The following UBE2L6 variants were observed in gnomAD, a reference collection of about 807,000 sequenced individuals.
UBE2L6 encodes the protein ubiquitin conjugating enzyme E2 L6, also known as ubiquitin/ISG15-conjugating enzyme E2 L6.
Under a neutral mutation model 13.6 loss-of-function variants are expected in UBE2L6, and 11 were observed. That is an observed-to-expected ratio of 0.81 (90% CI 0.51 to 1.34). The LOEUF (loss-of-function observed/expected upper bound fraction) is 1.34, where lower values mean the gene tolerates loss of function less well. Among genes scored for constraint, UBE2L6 ranks in the 40% most tolerant of loss-of-function variants. The pLI, the probability that UBE2L6 is intolerant of heterozygous loss-of-function variation, is 0.00. For missense variants in UBE2L6, 197 were observed against 199.5 expected (o/e 0.99, Z 0.07); for synonymous variants, 74 against 83.2 (o/e 0.89, Z 0.60).
Position 57,565,714 on chromosome 11 carries a change from G to A in UBE2L6, c.27+1871C>T, listed in dbSNP as rs147603849. ...TTGTTTATGTAATCAGTGTTAACTT[G>A]TCATCAGTTTAAAATAACAGGTTAT... On this transcript the variant is annotated intron_variant, in intron 1 of 3. Transcript: ENST00000287156. 1.6e-4 allele frequency among the ~76,000 whole-genome samples: 24 copies of A among 152,186 alleles called. No homozygotes were observed. The East Asian group carries it at 4.2e-3, about 27-fold the overall frequency.
chr11:57,552,506 A>G lies in UBE2L6; in HGVS notation c.314T>C (p.Leu105Pro), dbSNP rs1944967373. The G allele has an allele frequency of 6.2e-7, 1 of 1,614,064 alleles. No individual in the cohort carries two copies. Among genetic ancestry groups the G allele is most frequent in the Non-Finnish European group, 8.5e-7 (1 of 1,180,026 alleles). ...ATTCACCAGCACATTGAGGGCCTCC[A>G]GGACTGGGGAGAGACAGGCCAGATC... ...WKPCTKTCQV[L>P]EALNVLVNRP... is the part of the protein sequence containing the mutation. The change falls in exon 4 of 4, where the codon CTG becomes CCG. Residue 105 changes from leucine to proline, a missense_variant. Coordinates refer to ENST00000287156, the MANE Select transcript of UBE2L6 (RefSeq NM_004223.5).
At chr11:57,555,998 G>A (rs959077627) in intron 2 of UBE2L6, among the ~76,000 whole-genome samples, 14 of 152,164 alleles carry the variant, frequency 9.2e-5, no homozygotes, top group African/African-American at 3.4e-4. Context: ...GTGACCTAGG[G>A]GTTGGGAGCT....
At chr11:57,565,167 G>C (rs1367275470) in intron 1 of UBE2L6, among the ~76,000 whole-genome samples, 1 of 150,104 alleles carries the variant, frequency 6.7e-6, no homozygotes, top group Non-Finnish European at 1.5e-5. Flanking sequence ...ACTTGAGCCT[G>C]GGAGGCGGAG....
At chr11:57,566,959 CT>C (rs1277203498) in intron 1 of UBE2L6, 44 of 300,088 alleles carry the variant, frequency 1.5e-4, no homozygotes, top group African/African-American at 7.6e-4. Flanking sequence ...CCCCCCCCCC[CT>C]CCTAGAACAG....
At position 57,567,532 on chromosome 11, in the gene UBE2L6, A is replaced by G. The variant is rs982963421; in HGVS notation, c.27+53T>C. The G allele has an allele frequency of 1.9e-6, 3 of 1,594,542 alleles. No individual in the cohort carries two copies. The African/African-American group carries it at 4.0e-5, about 21-fold the overall frequency. ...CGCGGAGGGGATGGAGGGAGGAGGGAATGCGGGAGGCGAGGGGAGCCAAGA... is the reference window on the plus strand; with the variant it reads ...CGCGGAGGGGATGGAGGGAGGAGGGGATGCGGGAGGCGAGGGGAGCCAAGA... On this transcript the variant is annotated intron_variant, in intron 1 of 3. Coordinates refer to ENST00000287156, the MANE Select transcript of UBE2L6 (RefSeq NM_004223.5).
chr11:57,565,238 A>G (rs1945079062), intron 1 of UBE2L6, among the ~76,000 whole-genome samples: 1 of 152,012 alleles, frequency 6.6e-6, no homozygotes, highest in Admixed American at 6.6e-5. Flanking sequence ...GTGAAACTCC[A>G]TCTTAAGGAA....
chr11:57,558,884 C>G (rs531390005), intron 2 of UBE2L6, among the ~76,000 whole-genome samples: 1 of 152,308 alleles, frequency 6.6e-6, no homozygotes, highest in East Asian at 1.9e-4. Context: ...CTTTGGTCCT[C>G]CAGCTCTGGG....
At chr11:57,555,767 T>C (rs559665778) in intron 2 of UBE2L6, among the ~76,000 whole-genome samples, 1 of 152,200 alleles carries the variant, frequency 6.6e-6, no homozygotes, top group East Asian at 1.9e-4. Context: ...TTTGATAGGG[T>C]CTCACTGTGC....
At position 57,552,202 on chromosome 11, in the gene UBE2L6, C is replaced by T. The variant is rs1402746163; in HGVS notation, c.*156G>A. On this transcript the variant is annotated 3_prime_UTR_variant, in exon 4 of 4. Transcript: ENST00000287156. ...TACACAACACACACACTCATAGCTCCCTTCCCTCCACCACACACACACACA... is the reference window on the plus strand; with the variant it reads ...TACACAACACACACACTCATAGCTCTCTTCCCTCCACCACACACACACACA... The T allele has an allele frequency of 3.7e-6, 4 of 1,078,140 alleles. No homozygotes were observed. Among genetic ancestry groups the T allele is most frequent in the African/African-American group, 1.6e-5 (1 of 63,530 alleles). The allele number at this position is 1,078,140 out of a possible 1,614,324, so 66.8% of individuals were successfully genotyped here. A position where few individuals can be genotyped will look rare whatever the true frequency, so the allele number is the denominator to read the frequency against.
upstream of UBE2L6, chr11:57,567,781 G>T (rs982296070): frequency 7.9e-5 from 58 of 733,308 alleles, no homozygotes; most frequent in Non-Finnish European, 1.1e-4. Flanking sequence ...AGGCCAGGAG[G>T]CCGTCGAAGG....
intron 2 of UBE2L6, among the ~76,000 whole-genome samples, chr11:57,555,230 G>A (rs1944988120): frequency 6.6e-6 from 1 of 152,148 alleles, no homozygotes; most frequent in Non-Finnish European, 1.5e-5. Flanking sequence ...AAAGGTGAAA[G>A]CAAACCAAGT....
intron 1 of UBE2L6, among the ~76,000 whole-genome samples, chr11:57,563,655 G>A (rs1465494120): frequency 6.6e-6 from 1 of 151,422 alleles, no homozygotes; most frequent in Non-Finnish European, 1.5e-5. Context: ...ACTTTGGGAG[G>A]CCGAGGCAGG....
At chr11:57,567,231 G>T in intron 1 of UBE2L6, 1 of 463,422 alleles carries the variant, frequency 2.2e-6, no homozygotes, top group East Asian at 4.9e-5. Flanking sequence ...AGCAGTAGCA[G>T]AATGCCTGGC....
At chr11:57,564,470 T>C (rs184932323) in intron 1 of UBE2L6, among the ~76,000 whole-genome samples, 1 of 152,280 alleles carries the variant, frequency 6.6e-6, no homozygotes, top group East Asian at 1.9e-4. Flanking sequence ...AAAAAGGAGT[T>C]CTTCAATCAG....
chr11:57,565,016 G>A (rs1200225705), intron 1 of UBE2L6, among the ~76,000 whole-genome samples: 1 of 152,086 alleles, frequency 6.6e-6, no homozygotes, highest in African/African-American at 2.4e-5. Flanking sequence ...GCTGAGGTGG[G>A]TGGATCACCT....
rs748971548 is a variant in UBE2L6, at chr11:57,560,367, A to G, written c.93T>C (p.Asn31=). 9.3e-6 allele frequency: 15 copies of G among 1,614,006 alleles called. No homozygotes were observed. In the East Asian group the frequency reaches 2.5e-4, roughly 26 times the overall value. The change falls in exon 2 of 4, where the codon AAT becomes AAC. Residue 31 remains asparagine, a synonymous_variant. Coordinates refer to ENST00000287156, the MANE Select transcript of UBE2L6 (RefSeq NM_004223.5). The part of the protein sequence containing the change: ...YLRNLSSDDA[N]VLVWHALLLP... ...GGAGGAGAGCGTGCCACACCAGGAC[A>G]TTGGCATCATCGCTGGACAGGTTCC... is the stretch of plus-strand genomic sequence containing the variant.
At chr11:57,567,467 C>A in intron 1 of UBE2L6, 118 bp downstream of exon 1, 1 of 1,419,546 alleles carries the variant, frequency 7.0e-7, no homozygotes, top group East Asian at 2.5e-5. Flanking sequence ...ATTCAGCCAG[C>A]CCTGGTGCCC....
At chr11:57,561,476 C>T (rs901785562) in intron 1 of UBE2L6, among the ~76,000 whole-genome samples, 6 of 151,888 alleles carry the variant, frequency 4.0e-5, no homozygotes, top group Non-Finnish European at 8.8e-5. Context: ...TATGGATATA[C>T]GGTAAGGAAG....
At chr11:57,566,955 C>CTCG in intron 1 of UBE2L6, 1 of 211,460 alleles carries the variant, frequency 4.7e-6, no homozygotes, top group Non-Finnish European at 1.0e-5. Context: ...CCGCCCCCCC[C>CTCG]CCCCTCCTAG....
Sources: allele counts gnomAD v4.1 joint callset (sites outside exome capture counted in the v4.1 genomes callset), GRCh38; gene constraint gnomAD v4.1.1; transcripts MANE v1.5; gene names NCBI Gene and HGNC (gene_info 2026-07-23, HGNC 2026-07-21).